ZC2HC1A: variants seen among roughly 807,000 people sequenced by gnomAD.
The protein encoded by ZC2HC1A is zinc finger C2HC-type containing 1A, also known as zinc finger C2HC domain-containing protein 1A.
ZC2HC1A carries 28 observed loss-of-function variants against 40.7 expected under a neutral mutation model. The observed-to-expected ratio is 0.69, with a 90% confidence interval of 0.51 to 0.94. ZC2HC1A has a LOEUF of 0.94. ZC2HC1A is among the 40% of genes least tolerant of loss of function. ZC2HC1A has a pLI of 0.00. For missense variants in ZC2HC1A, 389 were observed against 386.3 expected, an observed-to-expected ratio of 1.01 and a Z score of -0.06; for synonymous variants, 129 against 129.2, an observed-to-expected ratio of 1.00 and a Z score of 0.01.
chr8:78,687,033 A>G (rs1025035772), intron 4 of ZC2HC1A, among the ~76,000 whole-genome samples: 2 of 152,150 alleles, frequency 1.3e-5, no homozygotes, highest in Non-Finnish European at 2.9e-5. Flanking sequence ...TAAAATGTAT[A>G]ATTCATGTGG....
intron 3 of ZC2HC1A, among the ~76,000 whole-genome samples, chr8:78,681,961 T>C (rs1809802327): frequency 6.6e-6 from 1 of 151,206 alleles, no homozygotes; most frequent in African/African-American, 2.4e-5. Flanking sequence ...AGGCTGGTGT[T>C]GAACTCCTGG....
chr8:78,666,900 T>C (rs1809315937), intron 1 of ZC2HC1A, among the ~76,000 whole-genome samples: 1 of 152,232 alleles, frequency 6.6e-6, no homozygotes, highest in Non-Finnish European at 1.5e-5. Context: ...TTTTATCCTG[T>C]GTAATGAAAG....
At chr8:78,675,178 A>ATTT (rs1809541636) in intron 1 of ZC2HC1A, among the ~76,000 whole-genome samples, 1 of 151,428 alleles carries the variant, frequency 6.6e-6, no homozygotes, top group Non-Finnish European at 1.5e-5. Context: ...CTCTTTATTT[A>ATTT]ATTTTGTTTG....
intron 8 of ZC2HC1A, 129 bp downstream of exon 8, chr8:78,715,457 T>C: frequency 1.2e-6 from 1 of 817,572 alleles, no homozygotes; most frequent in Non-Finnish European, 1.8e-6. Context: ...TAATCTGGCT[T>C]TTAAGTTGTA....
At chr8:78,676,790 CAG>C (rs1294155089) in intron 2 of ZC2HC1A, among the ~76,000 whole-genome samples, 3 of 151,816 alleles carry the variant, frequency 2.0e-5, no homozygotes, top group Non-Finnish European at 2.9e-5. Context: ...TATTATTTTT[CAG>C]AGTGTTCAGC....
chr8:78,689,367 A>G lies in ZC2HC1A; in HGVS notation c.498A>G (p.Thr166=). The change falls in exon 5 of 9, where the codon ACA becomes ACG. Residue 166 remains threonine, a synonymous_variant. Coordinates refer to ENST00000263849, the MANE Select transcript of ZC2HC1A (RefSeq NM_016010.3). ...CCAAAGGAAAACCAACTTCTCGGACACAGGTGGTAAGTTCAGTTTTAATAA... is the reference window on the plus strand; with the variant it reads ...CCAAAGGAAAACCAACTTCTCGGACGCAGGTGGTAAGTTCAGTTTTAATAA... ...TDTKGKPTSR[T]QVYKPPALKK... is the part of the protein sequence containing the mutation. 1 of 1,582,184 alleles carries G rather than the reference A, an allele frequency of 6.3e-7. No homozygotes were observed. The highest frequency in any genetic ancestry group is 8.6e-7 in the Non-Finnish European group (1 of 1,166,250).
intron 5 of ZC2HC1A, among the ~76,000 whole-genome samples, chr8:78,696,248 A>G (rs1043043749): frequency 6.6e-6 from 1 of 152,026 alleles, no homozygotes; most frequent in Admixed American, 6.6e-5. Context: ...GTTAGCCAGG[A>G]TGGTCTCGAT....
At chr8:78,666,622 C>T (rs1049866552) in intron 1 of ZC2HC1A, among the ~76,000 whole-genome samples, 1 of 152,176 alleles carries the variant, frequency 6.6e-6, no homozygotes, top group African/African-American at 2.4e-5. Context: ...CATTCCTTGG[C>T]CGATTTCCCT....
intron 1 of ZC2HC1A, among the ~76,000 whole-genome samples, chr8:78,674,631 G>T (rs993157107): frequency 1.3e-5 from 2 of 152,122 alleles, no homozygotes; most frequent in Non-Finnish European, 2.9e-5. Flanking sequence ...ACACAACATT[G>T]CCTCCATCTG....
intron 7 of ZC2HC1A, among the ~76,000 whole-genome samples, chr8:78,704,119 C>A (rs1025649337): frequency 7.2e-5 from 11 of 151,968 alleles, no homozygotes; most frequent in Non-Finnish European, 1.6e-4. Flanking sequence ...TGGTGGCTCA[C>A]GCCTGTAATC....
At chr8:78,688,325 G>GT (rs1810092283) in intron 4 of ZC2HC1A, among the ~76,000 whole-genome samples, 1 of 151,982 alleles carries the variant, frequency 6.6e-6, no homozygotes, top group South Asian at 2.1e-4. Flanking sequence ...GGCTTTAGAA[G>GT]TTTTTTTAAT....
chr8:78,697,547 C>A, intron 6 of ZC2HC1A, 41 bp downstream of exon 6: 1 of 1,492,894 alleles, frequency 6.7e-7, no homozygotes, highest in South Asian at 1.2e-5. Flanking sequence ...TTTTTGAAAC[C>A]ATGTTGGCAG....
At chr8:78,689,126 T>G in intron 4 of ZC2HC1A, 96 bp from the exon 5 acceptor site, 1 of 909,096 alleles carries the variant, frequency 1.1e-6, no homozygotes, top group Non-Finnish European at 1.5e-6. Flanking sequence ...ATGTTATTAC[T>G]TATATTTTTT....
At chr8:78,685,445 G>C (rs1809938553) in intron 3 of ZC2HC1A, among the ~76,000 whole-genome samples, 1 of 152,262 alleles carries the variant, frequency 6.6e-6, no homozygotes, top group African/African-American at 2.4e-5. Context: ...TAAAAGATCA[G>C]TAAATTAAAC....
At chr8:78,704,158 G>A (rs1810695173) in intron 7 of ZC2HC1A, among the ~76,000 whole-genome samples, 1 of 152,126 alleles carries the variant, frequency 6.6e-6, no homozygotes. Flanking sequence ...GAGGCGAGCG[G>A]ATCACCTGAG....
intron 3 of ZC2HC1A, among the ~76,000 whole-genome samples, chr8:78,679,967 G>A (rs1454545733): frequency 1.3e-5 from 2 of 152,132 alleles, no homozygotes; most frequent in Non-Finnish European, 2.9e-5. Flanking sequence ...TGGAAGCAGT[G>A]TAATATAGTG....
chr8:78,685,317 C>T (rs768567590), intron 3 of ZC2HC1A, among the ~76,000 whole-genome samples: 14 of 152,018 alleles, frequency 9.2e-5, no homozygotes, highest in Non-Finnish European at 1.8e-4. Flanking sequence ...ATAAATTCCA[C>T]ATGAATAAAA....
chr8:78,697,321 C>T, intron 5 of ZC2HC1A, 86 bp from the exon 6 acceptor site: 1 of 1,105,746 alleles, frequency 9.0e-7, no homozygotes, highest in South Asian at 1.7e-5. Flanking sequence ...AATCCTAAAC[C>T]CAAAGAATGT....
chr8:78,685,215 G>C (rs1297898213), intron 3 of ZC2HC1A, among the ~76,000 whole-genome samples: 1 of 150,882 alleles, frequency 6.6e-6, no homozygotes, highest in Non-Finnish European at 1.5e-5. Context: ...GGGGGGACAG[G>C]GAGGGGAGAG....
Sources: gnomAD v4.1 joint callset for allele counts (sites outside exome capture counted in the v4.1 genomes callset) on GRCh38, gnomAD v4.1.1 for gene constraint, MANE v1.5 for transcripts, NCBI Gene and HGNC (gene_info 2026-07-23, HGNC 2026-07-21) for gene names.